Variants in ADAMTS17 observed in about 807,000 individuals in gnomAD.
The protein encoded by ADAMTS17 is A disintegrin and metalloproteinase with thrombospondin motifs 17.
ADAMTS17 carries 113 observed loss-of-function variants against 141.5 expected under a neutral mutation model. The ratio of observed to expected loss-of-function variants is 0.80; its 90% confidence interval spans 0.69 to 0.93. ADAMTS17 has a LOEUF of 0.93. Ranked by LOEUF, ADAMTS17 falls within the 40% of genes least tolerant of loss-of-function variation. ADAMTS17 has a pLI of 0.00. For missense variants in ADAMTS17, 1,659 were observed against 1,517.9 expected (o/e 1.09, Z -1.54); for synonymous variants, 768 against 630.6 (o/e 1.22, Z -3.27).
At chr15:100,060,268 C>T (rs2033011299) in intron 15 of ADAMTS17, among the ~76,000 whole-genome samples, 1 of 152,252 alleles carries the variant, frequency 6.6e-6, no homozygotes, top group Non-Finnish European at 1.5e-5. Flanking sequence ...AAGCTCTCAA[C>T]AGTTAGACTT....
Position 100,229,047 on chromosome 15 carries a change from T to C in ADAMTS17, c.1075+25089A>G, listed in dbSNP as rs527720166. Among the ~76,000 whole-genome samples the C allele has an allele frequency of 3.3e-4, 50 of 152,304 alleles. 1 individual carries two copies. The South Asian group carries it at 0.01, about 32-fold the overall frequency. On this transcript the variant is annotated intron_variant, in intron 7 of 21. Transcript: ENST00000268070. ...ATTTGGGCCCCCTTCTCCAATCAGC[T>C]TCCTTGGTAGTAATGCTCACAGACA...
chr15:100,020,034 T>C (rs11637820), intron 18 of ADAMTS17, among the ~76,000 whole-genome samples: 106,910 of 151,726 alleles, frequency 0.7, 38,103 homozygotes, highest in Non-Finnish European at 0.77. Context: ...TGACGTGGCA[T>C]AGTTTTCCCA....
chr15:100,122,233 T>C (rs1221822131), intron 12 of ADAMTS17, among the ~76,000 whole-genome samples: 1 of 152,156 alleles, frequency 6.6e-6, no homozygotes, highest in Non-Finnish European at 1.5e-5. Flanking sequence ...TCTTAGTAAG[T>C]TCCCATTACT....
At chr15:100,112,205 A>G (rs564078794) in intron 13 of ADAMTS17, among the ~76,000 whole-genome samples, 1 of 152,324 alleles carries the variant, frequency 6.6e-6, no homozygotes, top group South Asian at 2.1e-4. Flanking sequence ...GGCCAACCTC[A>G]GCTGGAGGGA....
At chr15:100,307,460 C>T (rs1000394779) in intron 3 of ADAMTS17, among the ~76,000 whole-genome samples, 7 of 152,208 alleles carry the variant, frequency 4.6e-5, no homozygotes, top group African/African-American at 1.7e-4. Flanking sequence ...AAGGAAGCCC[C>T]AGCCACACTG....
chr15:100,163,487 T>G (rs1302704601), intron 8 of ADAMTS17, among the ~76,000 whole-genome samples: 1 of 152,038 alleles, frequency 6.6e-6, no homozygotes, highest in Non-Finnish European at 1.5e-5. Flanking sequence ...AAATCTAAAT[T>G]TTATAATTTT....
At chr15:100,126,959 G>A (rs1345763665) in intron 12 of ADAMTS17, among the ~76,000 whole-genome samples, 2 of 152,198 alleles carry the variant, frequency 1.3e-5, no homozygotes, top group African/African-American at 4.8e-5. Context: ...GGTGCCGAGG[G>A]AGACTTAAGC....
chr15:100,193,971 G>A (rs1326284468), intron 8 of ADAMTS17, among the ~76,000 whole-genome samples: 1 of 152,148 alleles, frequency 6.6e-6, no homozygotes. Context: ...CGGCTCCCAG[G>A]GCCAGGCATT....
chr15:100,280,254 C>A lies in ADAMTS17; in HGVS notation c.789+975G>T, dbSNP rs151250170. The stretch of plus-strand genomic sequence containing the variant: ...ATGGCTCCACCACCCACCCAGAGGC[C>A]CAGCTTGAAGCCTGGGTGTAGTAGC... On this transcript the variant is annotated intron_variant, in intron 4 of 21. Transcript: ENST00000268070. 2.6e-5 allele frequency among the ~76,000 whole-genome samples: 4 copies of A among 152,256 alleles called. No individual in the cohort carries two copies. The East Asian group carries it at 7.7e-4, about 29-fold the overall frequency.
chr15:100,261,328 C>A, intron 6 of ADAMTS17, 151 bp downstream of exon 6: 2 of 951,054 alleles, frequency 2.1e-6, no homozygotes, highest in Admixed American at 4.2e-5. Flanking sequence ...CCACCGTTAA[C>A]CCCCACTTAC....
At chr15:100,243,960 T>C (rs911840282) in intron 7 of ADAMTS17, among the ~76,000 whole-genome samples, 1 of 152,058 alleles carries the variant, frequency 6.6e-6, no homozygotes, top group East Asian at 1.9e-4. Flanking sequence ...ATTAGGTAAG[T>C]GTATCAGTCT....
intron 4 of ADAMTS17, 45 bp downstream of exon 4, chr15:100,281,184 G>C: frequency 6.3e-7 from 1 of 1,598,350 alleles, no homozygotes; most frequent in African/African-American, 1.3e-5. Context: ...TCTCATCAAG[G>C]AGAAAACAGA....
At chr15:100,008,318 G>A (rs1364885779) in intron 18 of ADAMTS17, among the ~76,000 whole-genome samples, 1 of 152,134 alleles carries the variant, frequency 6.6e-6, no homozygotes, top group African/African-American at 2.4e-5. Context: ...GGGGATTTCT[G>A]TGGCCAGGGG....
chr15:100,103,641 C>T (rs575780400), intron 14 of ADAMTS17, among the ~76,000 whole-genome samples: 20 of 151,794 alleles, frequency 1.3e-4, no homozygotes, highest in Non-Finnish European at 2.8e-4. Flanking sequence ...TGCACTGGTG[C>T]GATCTTGGCT....
intron 10 of ADAMTS17, among the ~76,000 whole-genome samples, chr15:100,135,297 T>TTC (rs1024784651): frequency 2.0e-5 from 3 of 151,930 alleles, no homozygotes; most frequent in Non-Finnish European, 4.4e-5. Flanking sequence ...TTTTTTTTTT[T>TTC]TTTTGAGACA....
chr15:99,976,230 G>C lies in ADAMTS17; in HGVS notation c.2950-8C>G, dbSNP rs779993753. 6 of 1,542,334 alleles carry C rather than the reference G, an allele frequency of 3.9e-6. No individual in the cohort carries two copies. The East Asian group carries it at 9.8e-5, about 25-fold the overall frequency. On this transcript the variant is annotated splice_region_variant and splice_polypyrimidine_tract_variant and intron_variant, in intron 20 of 21. Coordinates refer to ENST00000268070, the MANE Select transcript of ADAMTS17 (RefSeq NM_139057.4). The stretch of plus-strand genomic sequence containing the variant: ...CCCGCAGGTCGACGAGCACTGCAGA[G>C]ACAGGACAGCCTGAGTGGGGCTGAC...
At chr15:100,243,635 C>A (rs1299530935) in intron 7 of ADAMTS17, among the ~76,000 whole-genome samples, 1 of 151,910 alleles carries the variant, frequency 6.6e-6, no homozygotes, top group East Asian at 1.9e-4. Context: ...ACTAAAAATA[C>A]AAAAATTAGC....
intron 6 of ADAMTS17, among the ~76,000 whole-genome samples, chr15:100,257,984 C>A (rs1323377767): frequency 6.6e-6 from 1 of 152,214 alleles, no homozygotes; most frequent in African/African-American, 2.4e-5. Flanking sequence ...GTAGGTACCT[C>A]ACATAAGTGG....
At chr15:100,040,210 C>T (rs2031122235) in intron 18 of ADAMTS17, among the ~76,000 whole-genome samples, 1 of 152,182 alleles carries the variant, frequency 6.6e-6, no homozygotes, top group African/African-American at 2.4e-5. Context: ...GAGACGCAGC[C>T]ACCAACATAT....
Sources: gnomAD v4.1 joint callset for allele counts (sites outside exome capture counted in the v4.1 genomes callset) on GRCh38, gnomAD v4.1.1 for gene constraint, MANE v1.5 for transcripts, NCBI Gene and HGNC (gene_info 2026-07-23, HGNC 2026-07-21) for gene names.